Variants in ZEB1 observed in about 807,000 individuals in gnomAD.
The protein encoded by ZEB1 is zinc finger E-box binding homeobox 1.
In ZEB1, 21 loss-of-function variants were observed where a neutral mutation model predicts 84.9. The observed-to-expected ratio is 0.25, with a 90% CI of 0.18 to 0.36. The LOEUF is 0.36. Ranked by LOEUF, ZEB1 falls within the 10% of genes least tolerant of loss-of-function variation. ZEB1 has a pLI of 1.00. For synonymous variants in ZEB1, 420 were observed against 471.1 expected (o/e 0.89, Z 1.41); for missense variants, 1,104 against 1,330.2 (o/e 0.83, Z 2.65).
At chr10:31,327,171 C>T (rs1238473505) in intron 1 of ZEB1, among the ~76,000 whole-genome samples, 1 of 138,256 alleles carries the variant, frequency 7.2e-6, no homozygotes, top group Non-Finnish European at 1.5e-5. Flanking sequence ...AGTGTAAAGG[C>T]GCGATATCAG....
chr10:31,422,042 G>T (rs1436534192), intron 1 of ZEB1, among the ~76,000 whole-genome samples: 4 of 152,016 alleles, frequency 2.6e-5, no homozygotes, highest in East Asian at 3.9e-4. Flanking sequence ...TGAACTACAG[G>T]CCATCCTTTC....
rs1483718682 is a variant in ZEB1 at position 31,470,827 on chromosome 10, C to A, written c.259+9590C>A. On this transcript the variant is annotated intron_variant, in intron 2 of 8. Transcript: ENST00000424869. ...GCAGCCAGAGAGAAACGTCAGGTTACCCTCAAAGGGAAGCCCATCAGACTA... is the reference window on the plus strand; with the variant it reads ...GCAGCCAGAGAGAAACGTCAGGTTAACCTCAAAGGGAAGCCCATCAGACTA... 2.3e-5 allele frequency among the ~76,000 whole-genome samples: 3 copies of A among 132,166 alleles called. No individual in the cohort carries two copies. In the East Asian group the frequency reaches 6.9e-4, roughly 30 times the overall value. 86.7% of individuals were successfully genotyped at this position (132,166 alleles called of 152,430 possible).
At chr10:31,429,152 A>G (rs1434614884) in intron 1 of ZEB1, among the ~76,000 whole-genome samples, 2 of 152,190 alleles carry the variant, frequency 1.3e-5, no homozygotes, top group East Asian at 1.9e-4. Flanking sequence ...GGTTGACTTT[A>G]TAGTGCCACT....
At chr10:31,513,042 T>A (rs2070391195) in intron 5 of ZEB1, among the ~76,000 whole-genome samples, 1 of 152,166 alleles carries the variant, frequency 6.6e-6, no homozygotes, top group African/African-American at 2.4e-5. Flanking sequence ...TAAAGTGCAG[T>A]GGGGATGCCT....
At chr10:31,362,236 G>T (rs2043323832) in intron 1 of ZEB1, among the ~76,000 whole-genome samples, 1 of 141,304 alleles carries the variant, frequency 7.1e-6, no homozygotes, top group Admixed American at 6.9e-5. Context: ...CTTCCCAGAT[G>T]GGGTGGAGGC....
At chr10:31,474,048 C>T (rs1591652772) in intron 2 of ZEB1, among the ~76,000 whole-genome samples, 1 of 152,136 alleles carries the variant, frequency 6.6e-6, no homozygotes, top group African/African-American at 2.4e-5. Flanking sequence ...ACACCTTATA[C>T]AAAAATCAAT....
intron 4 of ZEB1, among the ~76,000 whole-genome samples, chr10:31,506,191 A>T (rs1393320354): frequency 1.3e-5 from 2 of 152,052 alleles, no homozygotes; most frequent in African/African-American, 4.8e-5. Context: ...CCCAACATAC[A>T]GTCTATCCTA....
chr10:31,427,277 C>T (rs1435144748), intron 1 of ZEB1, among the ~76,000 whole-genome samples: 1 of 152,096 alleles, frequency 6.6e-6, no homozygotes, highest in Admixed American at 6.5e-5. Context: ...TTCTACCAGG[C>T]ATGGCAAAAA....
At chr10:31,504,668 A>G (rs1169390672) in intron 4 of ZEB1, among the ~76,000 whole-genome samples, 2 of 151,702 alleles carry the variant, frequency 1.3e-5, no homozygotes, top group African/African-American at 4.8e-5. Context: ...GAGGTCTTTC[A>G]CCTTCTTGGG....
chr10:31,410,353 C>G (rs573122392), intron 1 of ZEB1, among the ~76,000 whole-genome samples: 4 of 152,276 alleles, frequency 2.6e-5, no homozygotes, highest in Non-Finnish European at 5.9e-5. Flanking sequence ...AGGTATGAAG[C>G]TGACCTAATC....
chr10:31,394,386 C>G (rs1424751269), intron 1 of ZEB1, among the ~76,000 whole-genome samples: 1 of 151,774 alleles, frequency 6.6e-6, no homozygotes, highest in Non-Finnish European at 1.5e-5. Flanking sequence ...ATTTTTTTTT[C>G]TAAAGTTTTT....
intron 1 of ZEB1, among the ~76,000 whole-genome samples, chr10:31,437,023 G>C (rs1359600401): frequency 1.3e-5 from 2 of 151,990 alleles, no homozygotes. Flanking sequence ...GGTAACTTAG[G>C]TAAAACAAAA....
chr10:31,433,166 A>T (rs2057923785), intron 1 of ZEB1, among the ~76,000 whole-genome samples: 1 of 152,228 alleles, frequency 6.6e-6, no homozygotes, highest in Non-Finnish European at 1.5e-5. Flanking sequence ...TTACCCACTT[A>T]CTAATTTGCA....
At chr10:31,415,130 G>A (rs1403687666) in intron 1 of ZEB1, among the ~76,000 whole-genome samples, 1 of 152,170 alleles carries the variant, frequency 6.6e-6, no homozygotes, top group Non-Finnish European at 1.5e-5. Context: ...AGGCACTGCT[G>A]ATGGTAGAAT....
intron 1 of ZEB1, among the ~76,000 whole-genome samples, chr10:31,417,012 C>T (rs758601111): frequency 5.9e-5 from 9 of 152,138 alleles, no homozygotes; most frequent in Non-Finnish European, 1.3e-4. Flanking sequence ...AGAACCATGC[C>T]TCAGTCTTGC....
intron 2 of ZEB1, among the ~76,000 whole-genome samples, chr10:31,482,325 A>C (rs1565064778): frequency 6.6e-6 from 1 of 152,058 alleles, no homozygotes; most frequent in Non-Finnish European, 1.5e-5. Context: ...TACGCTTCAA[A>C]AGTGTCAATG....
chr10:31,455,678 T>C (rs1177621911), intron 1 of ZEB1, among the ~76,000 whole-genome samples: 2 of 152,086 alleles, frequency 1.3e-5, no homozygotes, highest in Admixed American at 6.6e-5. Context: ...CACTGGTCAT[T>C]AGAGAAATGC....
intron 1 of ZEB1, among the ~76,000 whole-genome samples, chr10:31,414,057 T>C (rs1031799417): frequency 5.3e-5 from 8 of 152,252 alleles, no homozygotes; most frequent in Non-Finnish European, 7.3e-5. Context: ...TTTTGACTTA[T>C]CGTTTCCTTT....
chr10:31,508,504 A>C (rs1299639726), intron 4 of ZEB1, among the ~76,000 whole-genome samples: 1 of 152,108 alleles, frequency 6.6e-6, no homozygotes, highest in Non-Finnish European at 1.5e-5. Flanking sequence ...TGATAGTAGC[A>C]GGTTGGGTGG....
Sources: gnomAD v4.1 joint callset for allele counts (sites outside exome capture counted in the v4.1 genomes callset) on GRCh38, gnomAD v4.1.1 for gene constraint, MANE v1.5 for transcripts, NCBI Gene and HGNC (gene_info 2026-07-23, HGNC 2026-07-21) for gene names.